The following BTAF1 variants were observed in gnomAD, a reference collection of about 807,000 sequenced individuals.
The protein encoded by BTAF1 is TATA-binding protein-associated factor 172.
BTAF1 carries 38 observed loss-of-function variants against 227.1 expected under a neutral mutation model. That is an observed-to-expected ratio of 0.17 (90% confidence interval 0.13 to 0.22). BTAF1 has a LOEUF of 0.22. Ranked by LOEUF, BTAF1 falls within the 10% of genes least tolerant of loss-of-function variation. BTAF1 has a pLI of 1.00. For missense variants in BTAF1, 1,598 were observed against 2,204.0 expected, an observed-to-expected ratio of 0.73 and a Z score of 5.51; for synonymous variants, 742 against 751.9, an observed-to-expected ratio of 0.99 and a Z score of 0.21.
chr10:91,987,204 C>A (rs1848459963), intron 19 of BTAF1, among the ~76,000 whole-genome samples: 1 of 150,304 alleles, frequency 6.7e-6, no homozygotes, highest in South Asian at 2.1e-4. Context: ...TGTGTTTAGG[C>A]CGGGCGCAGT....
chr10:92,026,701 A>G lies in BTAF1; in HGVS notation c.5185A>G (p.Asn1729Asp). The G allele has an allele frequency of 6.2e-7, 1 of 1,607,852 alleles. No homozygotes were observed. Among genetic ancestry groups the G allele is most frequent in the Non-Finnish European group, 8.5e-7 (1 of 1,177,436 alleles). The change falls in exon 36 of 38, where the codon AAT becomes GAT. Residue 1729 changes from asparagine (N) to aspartate (D), a missense_variant. This residue lies in a region of BTAF1 where 20 missense variants were observed against 56.8 expected (regional missense o/e 0.35). Coordinates refer to ENST00000265990, the MANE Select transcript of BTAF1 (RefSeq NM_003972.3). ...DTVVFVEHDW[N>D]PMRDLQAMDR... ...AGTAGTATTTGTGGAGCATGACTGG[A>G]ATCCTATGCGAGATCTACAAGCCAT... is the stretch of plus-strand genomic sequence containing the variant.
At chr10:92,014,792 G>T (rs1850594908) in intron 32 of BTAF1, among the ~76,000 whole-genome samples, 1 of 152,102 alleles carries the variant, frequency 6.6e-6, no homozygotes, top group South Asian at 2.1e-4. Context: ...GCATCATTAG[G>T]TGATTTTGTC....
intron 3 of BTAF1, among the ~76,000 whole-genome samples, chr10:91,941,322 G>T (rs979697424): frequency 6.6e-6 from 1 of 152,132 alleles, no homozygotes; most frequent in Non-Finnish European, 1.5e-5. Context: ...TTTACTAAAT[G>T]AATTTGCTTA....
intron 24 of BTAF1, chr10:91,997,034 A>C (rs1307852487): frequency 9.3e-7 from 1 of 1,071,236 alleles, no homozygotes. Flanking sequence ...CCCTTTGCTA[A>C]GGGTATGGCA....
chr10:91,960,150 G>C lies in BTAF1; in HGVS notation c.1259G>C (p.Arg420Pro). 6.2e-7 allele frequency: 1 copy of C among 1,611,402 alleles called. No homozygotes were observed. Among genetic ancestry groups the C allele is most frequent in the Non-Finnish European group, 8.5e-7 (1 of 1,178,926 alleles). Reference sequence around the variant, plus strand: ...GGAATAAAATATGCTTTGGCAGTCCGTCAGGTAAATATTTCAAGTTTTGAA... The same window carrying C: ...GGAATAAAATATGCTTTGGCAGTCCCTCAGGTAAATATTTCAAGTTTTGAA... ...LLGIKYALAV[R>P]QDVINTLLPK... The change falls in exon 11 of 38, where the codon CGT becomes CCT. Residue 420 changes from arginine to proline, a missense_variant. Physicochemically the swap from Arg to Pro is moderately radical, Grantham distance 103. This residue lies in a region of BTAF1 where 52 missense variants were observed against 72.4 expected (regional missense o/e 0.72). Transcript: ENST00000265990.
At chr10:91,987,913 G>A (rs1848512574) in intron 19 of BTAF1, among the ~76,000 whole-genome samples, 1 of 152,096 alleles carries the variant, frequency 6.6e-6, no homozygotes, top group South Asian at 2.1e-4. Flanking sequence ...AACCCTCTGT[G>A]CTTATCCAGA....
intron 1 of BTAF1, among the ~76,000 whole-genome samples, chr10:91,929,620 G>T (rs1472654375): frequency 6.6e-6 from 1 of 152,126 alleles, no homozygotes; most frequent in African/African-American, 2.4e-5. Flanking sequence ...ACGTTCAGTG[G>T]GTCCTGGACA....
intron 34 of BTAF1, among the ~76,000 whole-genome samples, chr10:92,022,462 C>T (rs1391697578): frequency 6.6e-6 from 1 of 152,134 alleles, no homozygotes; most frequent in Non-Finnish European, 1.5e-5. Flanking sequence ...TACCCTGTCA[C>T]TCAGGCTGGA....
At chr10:91,952,972 T>A (rs1845867844) in intron 5 of BTAF1, among the ~76,000 whole-genome samples, 2 of 152,064 alleles carry the variant, frequency 1.3e-5, no homozygotes, top group Admixed American at 6.6e-5. Flanking sequence ...CAACACTAAT[T>A]TGGGGTTTGC....
At chr10:91,981,605 G>GA (rs1287190674) in intron 15 of BTAF1, 38 bp from the exon 16 acceptor site, 1 of 1,540,856 alleles carries the variant, frequency 6.5e-7, no homozygotes, top group Non-Finnish European at 8.7e-7. Context: ...ATTTTTATTA[G>GA]AAAAAATTCA....
At position 92,024,733 on chromosome 10, in the gene BTAF1, T is replaced by TTTTTTG. The variant is rs1564726208; in HGVS notation, c.4864-18_4864-17insGTTTTT. 5.2e-6 allele frequency: 6 copies of TTTTTTG among 1,158,086 alleles called. No homozygotes were observed. In the South Asian group the frequency reaches 9.0e-5, roughly 17 times the overall value. 71.7% of individuals were successfully genotyped at this position (1,158,086 alleles called of 1,614,324 possible). Reference sequence around the variant, plus strand: ...CTGCTTTTATTGAACGCTTATGTAGTTTTTTTTTTTTTTCTTCCTAAGTTG... The same window carrying TTTTTTG: ...CTGCTTTTATTGAACGCTTATGTAGTTTTTTGTTTTTTTTTTTTTCTTCCTAAGTTG... On this transcript the variant is annotated intron_variant, in intron 34 of 37. Coordinates refer to ENST00000265990, the MANE Select transcript of BTAF1 (RefSeq NM_003972.3).
intron 2 of BTAF1, among the ~76,000 whole-genome samples, chr10:91,938,247 T>G (rs1442034137): frequency 6.6e-6 from 1 of 152,214 alleles, no homozygotes. Flanking sequence ...AATAGATATT[T>G]GATTTGGAAA....
intron 5 of BTAF1, 140 bp from the exon 6 acceptor site, chr10:91,953,586 CATACAACAAAA>C: frequency 1.2e-6 from 1 of 813,046 alleles, no homozygotes; most frequent in Non-Finnish European, 1.9e-6. Flanking sequence ...ATGGTACAGT[CATACAACAAAA>C]GAGTGTGAAC....
intron 11 of BTAF1, among the ~76,000 whole-genome samples, chr10:91,960,424 T>A (rs956810504): frequency 4.6e-5 from 7 of 152,212 alleles, no homozygotes; most frequent in Non-Finnish European, 1.0e-4. Context: ...TTCAGTGCTC[T>A]TCATGATTTG....
chr10:92,011,431 TA>T lies in BTAF1; in HGVS notation c.4311+17del, dbSNP rs771187511. On this transcript the variant is annotated intron_variant, in intron 30 of 37. Transcript: ENST00000265990. ...ACCAATCCAGGTAATTATTTATTAT[TA>T]TTTTTTTTAATTATTTTTATTTTTA... 42 of 1,160,998 alleles carry T rather than the reference TA, an allele frequency of 3.6e-5. No individual in the cohort carries two copies. Among genetic ancestry groups the T allele is most frequent in the African/African-American group, 2.7e-4 (17 of 61,948 alleles). The allele number at this position is 1,160,998 out of a possible 1,614,324, so 71.9% of individuals were successfully genotyped here.
At chr10:91,940,564 A>G (rs577221393) in intron 3 of BTAF1, among the ~76,000 whole-genome samples, 3 of 152,202 alleles carry the variant, frequency 2.0e-5, no homozygotes, top group Non-Finnish European at 4.4e-5. Flanking sequence ...AACAAATTAC[A>G]TGCTTTTGAA....
chr10:92,013,015 G>A (rs1358207373), intron 30 of BTAF1, among the ~76,000 whole-genome samples: 1 of 152,164 alleles, frequency 6.6e-6, no homozygotes, highest in Non-Finnish European at 1.5e-5. Context: ...CCCAGAGTCA[G>A]GGGGCAGAGG....
chr10:91,997,876 A>G, intron 25 of BTAF1, 125 bp downstream of exon 25: 1 of 921,994 alleles, frequency 1.1e-6, no homozygotes. Context: ...TCTGAGGCTG[A>G]GGTGGGTGGA....
intron 1 of BTAF1, among the ~76,000 whole-genome samples, chr10:91,929,824 G>T (rs1423391217): frequency 1.5e-5 from 2 of 136,806 alleles, no homozygotes; most frequent in Non-Finnish European, 3.5e-5. Flanking sequence ...CAAATGCTGG[G>T]ATTACAAGCA....
Sources: allele counts gnomAD v4.1 joint callset (sites outside exome capture counted in the v4.1 genomes callset), GRCh38; gene constraint gnomAD v4.1.1; regional missense constraint gnomAD v4.1.1; transcripts MANE v1.5; gene names NCBI Gene and HGNC (gene_info 2026-07-23, HGNC 2026-07-21).